USP49: variants seen among roughly 807,000 people sequenced by gnomAD.
USP49 encodes ubiquitin carboxyl-terminal hydrolase 49.
A neutral mutation model predicts 58.6 loss-of-function variants in USP49; 24 were observed. That is an observed-to-expected ratio of 0.41 (90% CI 0.30 to 0.58). USP49 has a LOEUF of 0.58. USP49 is among the 20% of genes least tolerant of loss of function. The pLI, the probability that USP49 is intolerant of heterozygous loss-of-function variation, is 0.30. For missense variants in USP49, 703 were observed against 866.1 expected, an observed-to-expected ratio of 0.81 and a Z score of 2.36; for synonymous variants, 408 against 365.1, an observed-to-expected ratio of 1.12 and a Z score of -1.34.
intron 3 of USP49, among the ~76,000 whole-genome samples, chr6:41,837,166 A>G (rs1048302239): frequency 2.0e-4 from 30 of 152,348 alleles, no homozygotes; most frequent in African/African-American, 7.0e-4. Context: ...ATCATAAGCA[A>G]AAGAACAAAG....
rs781441029 is a variant in USP49, at chr6:41,796,384, C to A, written c.*149G>T. On this transcript the variant is annotated 3_prime_UTR_variant, in exon 8 of 8. Coordinates refer to ENST00000682992, the MANE Select transcript of USP49 (RefSeq NM_001286554.2). ...CAAAAGAAAGAGACTATAAAATTTA[C>A]GACAGGACACGAATCACCTGGCACC... 3.7e-6 allele frequency: 2 copies of A among 542,076 alleles called. No individual in the cohort carries two copies. The highest frequency in any genetic ancestry group is 6.1e-5 in the Admixed American group (2 of 33,056). The allele number at this position is 542,076 out of a possible 1,614,324, so 33.6% of individuals were successfully genotyped here.
chr6:41,804,642 C>T (rs1773076593), intron 4 of USP49, among the ~76,000 whole-genome samples: 1 of 152,102 alleles, frequency 6.6e-6, no homozygotes, highest in African/African-American at 2.4e-5. Flanking sequence ...CCTTTCCATC[C>T]CATTCATCAT....
chr6:41,831,490 G>A (rs562163715), intron 3 of USP49, among the ~76,000 whole-genome samples: 2 of 150,710 alleles, frequency 1.3e-5, no homozygotes, highest in East Asian at 3.9e-4. Context: ...TGAAGCAGGA[G>A]AATTGCTTGA....
At chr6:41,826,819 A>C (rs1333331891) in intron 3 of USP49, among the ~76,000 whole-genome samples, 2 of 152,174 alleles carry the variant, frequency 1.3e-5, no homozygotes, top group Non-Finnish European at 2.9e-5. Flanking sequence ...CCTGTGGAGG[A>C]CTGTGGAGGA....
At chr6:41,851,952 CAAAAAA>C (rs67716441) in intron 3 of USP49, among the ~76,000 whole-genome samples, 27 of 54,894 alleles carry the variant, frequency 4.9e-4, no homozygotes, top group Non-Finnish European at 7.6e-4. Flanking sequence ...AGACTCGTCT[CAAAAAA>C]AAAAAAAAAA....
At chr6:41,874,446 GTGAT>G (rs1774466976) in intron 2 of USP49, among the ~76,000 whole-genome samples, 1 of 152,070 alleles carries the variant, frequency 6.6e-6, no homozygotes, top group Non-Finnish European at 1.5e-5. Context: ...GATGATGATG[GTGAT>G]TGATTATGAT....
chr6:41,878,758 T>C (rs62398360), intron 2 of USP49, among the ~76,000 whole-genome samples: 13 of 152,244 alleles, frequency 8.5e-5, no homozygotes, highest in Non-Finnish European at 1.9e-4. Flanking sequence ...TTATTATACT[T>C]CCTCCTAGAT....
intron 3 of USP49, chr6:41,869,737 A>T (rs1774382626): frequency 6.6e-6 from 1 of 151,976 alleles, no homozygotes; most frequent in Non-Finnish European, 1.5e-5. Context: ...AAGAAAAAAA[A>T]CTCAAGAAGG....
At chr6:41,827,121 T>A (rs1252882019) in intron 3 of USP49, among the ~76,000 whole-genome samples, 1 of 152,154 alleles carries the variant, frequency 6.6e-6, no homozygotes, top group African/African-American at 2.4e-5. Context: ...GGCTTAACAG[T>A]TCTATTTCTC....
intron 3 of USP49, among the ~76,000 whole-genome samples, chr6:41,833,269 G>C (rs1372440099): frequency 6.6e-6 from 1 of 151,902 alleles, no homozygotes; most frequent in African/African-American, 2.4e-5. Flanking sequence ...GCCCGCCTCG[G>C]CCTCCCAAAA....
chr6:41,823,027 G>A (rs1413508853), intron 3 of USP49, among the ~76,000 whole-genome samples: 1 of 152,080 alleles, frequency 6.6e-6, no homozygotes, highest in African/African-American at 2.4e-5. Flanking sequence ...GAAACCACCA[G>A]TTATTTTTAA....
At chr6:41,833,206 T>C (rs925546998) in intron 3 of USP49, among the ~76,000 whole-genome samples, 2 of 151,096 alleles carry the variant, frequency 1.3e-5, no homozygotes, top group Non-Finnish European at 3.0e-5. Flanking sequence ...TTAGTAGAGA[T>C]GGGGTTTCAC....
chr6:41,798,609 T>A, intron 7 of USP49, 115 bp downstream of exon 7: 1 of 1,590,078 alleles, frequency 6.3e-7, no homozygotes, highest in Admixed American at 1.7e-5. Context: ...GGATTTTTGA[T>A]GTATGTAATT....
rs1379793238 is a variant in USP49, at chr6:41,791,225, G to A, written c.*5308C>T. On this transcript the variant is annotated 3_prime_UTR_variant, in exon 8 of 8. Coordinates refer to ENST00000682992, the MANE Select transcript of USP49 (RefSeq NM_001286554.2). Reference sequence around the variant, plus strand: ...TCAAGTAAGTGTTTACTGTTGGTTGGGTTTTAAAGCCATAATTATGGTTGA... The same window carrying A: ...TCAAGTAAGTGTTTACTGTTGGTTGAGTTTTAAAGCCATAATTATGGTTGA... 6.6e-6 allele frequency: 1 copy of A among 152,078 alleles called. No individual in the cohort carries two copies. Among genetic ancestry groups the A allele is most frequent in the Non-Finnish European group, 1.5e-5 (1 of 67,988 alleles). The allele number at this position is 152,078 out of a possible 1,614,324, so 9.4% of individuals were successfully genotyped here.
chr6:41,851,116 G>A (rs1415205729), intron 3 of USP49, among the ~76,000 whole-genome samples: 1 of 152,138 alleles, frequency 6.6e-6, no homozygotes, highest in African/African-American at 2.4e-5. Flanking sequence ...AACTGAGGAG[G>A]AGGGAACACT....
chr6:41,853,619 T>C lies in USP49; in HGVS notation c.-29+17945A>G, dbSNP rs1413877983. Among the ~76,000 whole-genome samples, 6 of 152,248 alleles carry C rather than the reference T, an allele frequency of 3.9e-5. No homozygotes were observed. The South Asian group carries it at 6.2e-4, about 16-fold the overall frequency. On this transcript the variant is annotated intron_variant, in intron 3 of 7. Transcript: ENST00000682992. ...TCTGACCTCAGAGTTTACAATCTCA[T>C]ATAGAAGATGAGAAATAAGTACAAA...
chr6:41,828,381 G>A (rs1033442135), intron 3 of USP49, among the ~76,000 whole-genome samples: 3 of 152,164 alleles, frequency 2.0e-5, no homozygotes, highest in South Asian at 2.1e-4. Flanking sequence ...CCCGGGAGGC[G>A]GAGGTTGCAG....
chr6:41,840,637 T>C (rs903477821), intron 3 of USP49, among the ~76,000 whole-genome samples: 4 of 152,154 alleles, frequency 2.6e-5, no homozygotes, highest in Non-Finnish European at 4.4e-5. Flanking sequence ...CTGGTCTTTT[T>C]CTAAACTTGC....
At chr6:41,805,491 A>G in intron 4 of USP49, 137 bp downstream of exon 4, 1 of 939,558 alleles carries the variant, frequency 1.1e-6, no homozygotes, top group South Asian at 1.7e-5. Context: ...AATGAAAGGT[A>G]TAATGGCCAC....
Sources: allele counts gnomAD v4.1 joint callset (sites outside exome capture counted in the v4.1 genomes callset), GRCh38; gene constraint gnomAD v4.1.1; transcripts MANE v1.5; gene names NCBI Gene and HGNC (gene_info 2026-07-23, HGNC 2026-07-21).